PDGFC: variants seen among roughly 807,000 people sequenced by gnomAD.
PDGFC encodes platelet-derived growth factor C.
Under a neutral mutation model 35.5 loss-of-function variants are expected in PDGFC, and 12 were observed. The ratio of observed to expected loss-of-function variants is 0.34; its 90% CI spans 0.22 to 0.55. The LOEUF (loss-of-function observed/expected upper bound fraction) is 0.55. PDGFC is among the 20% of genes least tolerant of loss of function. The pLI, the probability that PDGFC is intolerant of heterozygous loss-of-function variation, is 0.91. For synonymous variants in PDGFC, 159 were observed against 148.8 expected (o/e 1.07, Z -0.50); for missense variants, 322 against 412.4 (o/e 0.78, Z 1.90).
chr4:156,890,942 C>T (rs545288288), intron 1 of PDGFC, among the ~76,000 whole-genome samples: 35 of 152,054 alleles, frequency 2.3e-4, no homozygotes, highest in African/African-American at 8.4e-4. Flanking sequence ...TATACATTCA[C>T]GTGTCCCTTA....
intron 1 of PDGFC, among the ~76,000 whole-genome samples, chr4:156,871,273 A>G (rs1437617942): frequency 6.6e-6 from 1 of 152,096 alleles, no homozygotes; most frequent in Non-Finnish European, 1.5e-5. Context: ...AAACTAGAGA[A>G]TTTATAGATA....
chr4:156,784,283 G>A (rs1438940725), intron 3 of PDGFC, among the ~76,000 whole-genome samples: 2 of 152,206 alleles, frequency 1.3e-5, no homozygotes, highest in Non-Finnish European at 2.9e-5. Flanking sequence ...ACCAGCACTG[G>A]TGTCTCAAAA....
intron 3 of PDGFC, among the ~76,000 whole-genome samples, chr4:156,803,816 A>T (rs6536208): frequency 6.6e-6 from 1 of 152,100 alleles, no homozygotes; most frequent in African/African-American, 2.4e-5. Flanking sequence ...TACTAACAGT[A>T]TCTAACATTG....
chr4:156,919,143 T>C (rs556080517), intron 1 of PDGFC, among the ~76,000 whole-genome samples: 3 of 152,348 alleles, frequency 2.0e-5, no homozygotes, highest in African/African-American at 7.2e-5. Flanking sequence ...GATAGTTATT[T>C]ATAGAAGGAT....
At chr4:156,955,680 C>T (rs949212567) in intron 1 of PDGFC, among the ~76,000 whole-genome samples, 1 of 151,894 alleles carries the variant, frequency 6.6e-6, no homozygotes, top group Non-Finnish European at 1.5e-5. Context: ...CAAAAAGACA[C>T]ACCCTTATTA....
chr4:156,946,360 A>C (rs1056287457), intron 1 of PDGFC, among the ~76,000 whole-genome samples: 1 of 152,196 alleles, frequency 6.6e-6, no homozygotes, highest in African/African-American at 2.4e-5. Context: ...AGGAAAAGCA[A>C]CCAACCCACT....
At chr4:156,900,563 G>A (rs776714239) in intron 1 of PDGFC, among the ~76,000 whole-genome samples, 12 of 152,086 alleles carry the variant, frequency 7.9e-5, no homozygotes, top group East Asian at 1.9e-4. Context: ...GATAGGAAGC[G>A]GGTGGGGTGG....
intron 2 of PDGFC, chr4:156,842,031 G>A (rs1729217616): frequency 1.3e-5 from 2 of 151,926 alleles, no homozygotes; most frequent in Non-Finnish European, 1.5e-5. Context: ...CTCTTCTCAG[G>A]TCCCATGTAA....
chr4:156,890,594 C>G (rs1730479566), intron 1 of PDGFC, among the ~76,000 whole-genome samples: 1 of 152,154 alleles, frequency 6.6e-6, no homozygotes, highest in African/African-American at 2.4e-5. Flanking sequence ...CCTACCCAGG[C>G]TACCGGGGTT....
rs775096431 is a variant in PDGFC at position 156,810,940 on chromosome 4, C to G, written c.392G>C (p.Gly131Ala). The change falls in exon 3 of 6, where the codon GGA becomes GCA. Residue 131 changes from glycine (G) to alanine (A), a missense_variant. By Grantham distance (60) the Gly-to-Ala change is moderately conservative. Around this residue, in one of 2 missense-constraint regions of PDGFC, gnomAD observed 202 missense variants for 295.9 expected, o/e 0.68. Coordinates refer to ENST00000502773, the MANE Select transcript of PDGFC (RefSeq NM_016205.3). ...TTGATTTCCTTTAGAAATCTGTTTTCCTGGTACAGTACCAGAACCACACCA... is the reference window on the plus strand; with the variant it reads ...TTGATTTCCTTTAGAAATCTGTTTTGCTGGTACAGTACCAGAACCACACCA... ...GRWCGSGTVP[G>A]KQISKGNQIR... is the part of the protein sequence containing the mutation. 1 of 1,603,452 alleles carries G rather than the reference C, an allele frequency of 6.2e-7. No homozygotes were observed. The highest frequency in any genetic ancestry group is 8.5e-7 in the Non-Finnish European group (1 of 1,170,964).
intron 2 of PDGFC, among the ~76,000 whole-genome samples, chr4:156,828,391 C>T (rs907274766): frequency 1.3e-5 from 2 of 152,176 alleles, no homozygotes; most frequent in South Asian, 2.1e-4. Flanking sequence ...AGATGAGATC[C>T]GGCATCAAGA....
intron 3 of PDGFC, among the ~76,000 whole-genome samples, chr4:156,796,491 ATTTT>A (rs35891804): frequency 1.8e-4 from 18 of 101,594 alleles, no homozygotes; most frequent in African/African-American, 2.4e-4. Flanking sequence ...ACCACTTTGT[ATTTT>A]TTTTTTTTTT....
At chr4:156,876,356 T>C (rs1730116393) in intron 1 of PDGFC, 1 of 151,694 alleles carries the variant, frequency 6.6e-6, no homozygotes, top group South Asian at 2.1e-4. Context: ...TGTTTCCTTA[T>C]TGAAAAAAGT....
intron 2 of PDGFC, among the ~76,000 whole-genome samples, chr4:156,813,313 C>T (rs892132598): frequency 6.6e-6 from 1 of 152,002 alleles, no homozygotes; most frequent in African/African-American, 2.4e-5. Context: ...ACTGATTTGG[C>T]GCAAACTGCT....
At chr4:156,934,673 G>A (rs1461726828) in intron 1 of PDGFC, among the ~76,000 whole-genome samples, 1 of 152,044 alleles carries the variant, frequency 6.6e-6, no homozygotes, top group Non-Finnish European at 1.5e-5. Context: ...AATACACATT[G>A]CACAACTACA....
intron 3 of PDGFC, among the ~76,000 whole-genome samples, chr4:156,792,820 G>A (rs1731333129): frequency 6.6e-6 from 1 of 152,128 alleles, no homozygotes; most frequent in African/African-American, 2.4e-5. Flanking sequence ...CCATCCATAA[G>A]TCATCACTCT....
At chr4:156,939,638 G>A (rs1403015261) in intron 1 of PDGFC, among the ~76,000 whole-genome samples, 1 of 151,932 alleles carries the variant, frequency 6.6e-6, no homozygotes, top group African/African-American at 2.4e-5. Context: ...TTTAAATTGT[G>A]GCTTGTTACA....
chr4:156,970,394 A>AC (rs1199349083), intron 1 of PDGFC, among the ~76,000 whole-genome samples: 2 of 150,644 alleles, frequency 1.3e-5, no homozygotes, highest in Admixed American at 6.6e-5. Flanking sequence ...TTCCTGACCG[A>AC]CCCCCCTCGC....
In PDGFC at chr4:156,762,717, C is replaced by A; in HGVS notation, c.*373G>T. The stretch of plus-strand genomic sequence containing the variant: ...GCAAGGCAACGGAATCAGGTGCTCA[C>A]TTGCACAGTTTTTTTCCTGTACTGA... On this transcript the variant is annotated 3_prime_UTR_variant, in exon 6 of 6. Transcript: ENST00000502773. The A allele has an allele frequency of 6.3e-6, 1 of 159,836 alleles. No homozygotes were observed. Among genetic ancestry groups the A allele is most frequent in the Non-Finnish European group, 1.4e-5 (1 of 73,254 alleles). 9.9% of individuals were successfully genotyped at this position (159,836 alleles called of 1,614,324 possible).
Sources: allele counts gnomAD v4.1 joint callset (sites outside exome capture counted in the v4.1 genomes callset), GRCh38; gene constraint gnomAD v4.1.1; regional missense constraint gnomAD v4.1.1; transcripts MANE v1.5; gene names NCBI Gene and HGNC (gene_info 2026-07-23, HGNC 2026-07-21).